L3MBTL4: variants seen among roughly 807,000 people sequenced by gnomAD.
The protein encoded by L3MBTL4 is lethal(3)malignant brain tumor-like protein 4.
L3MBTL4 carries 70 observed loss-of-function variants against 84.5 expected under a neutral mutation model. The observed-to-expected ratio is 0.83, with a 90% CI of 0.68 to 1.01. The LOEUF is 1.01. Ranked by LOEUF, L3MBTL4 falls within the 50% of genes least tolerant of loss-of-function variation. L3MBTL4 has a pLI of 0.00. For synonymous variants in L3MBTL4, 274 were observed against 259.8 expected (o/e 1.05, Z -0.52); for missense variants, 715 against 754.8 (o/e 0.95, Z 0.62).
intron 16 of L3MBTL4, among the ~76,000 whole-genome samples, chr18:6,039,754 G>A (rs187941212): frequency 1.3e-5 from 2 of 152,326 alleles, no homozygotes; most frequent in East Asian, 3.9e-4. Context: ...AAAGGGTCAA[G>A]TGTCTTTGAA....
chr18:6,024,785 A>C (rs545885262), intron 16 of L3MBTL4, among the ~76,000 whole-genome samples: 1 of 152,350 alleles, frequency 6.6e-6, no homozygotes, highest in African/African-American at 2.4e-5. Flanking sequence ...AATTACTCAA[A>C]TCAATGAGTA....
At chr18:6,101,688 T>G (rs1400045059) in intron 14 of L3MBTL4, among the ~76,000 whole-genome samples, 2 of 152,244 alleles carry the variant, frequency 1.3e-5, no homozygotes, top group African/African-American at 4.8e-5. Flanking sequence ...AGAGGTGCTC[T>G]GAATGGAGAG....
intron 16 of L3MBTL4, among the ~76,000 whole-genome samples, chr18:5,973,117 G>C (rs1260503481): frequency 6.6e-6 from 1 of 152,150 alleles, no homozygotes; most frequent in East Asian, 1.9e-4. Context: ...GTGAATGTGG[G>C]GACATACACC....
At chr18:6,105,347 G>A (rs2058968842) in intron 14 of L3MBTL4, among the ~76,000 whole-genome samples, 1 of 151,494 alleles carries the variant, frequency 6.6e-6, no homozygotes, top group South Asian at 2.1e-4. Flanking sequence ...ATGCCACCAT[G>A]CCTGGCTAAT....
In L3MBTL4 at chr18:5,997,482, C is replaced by A. The variant is rs142784701; in HGVS notation, c.1445-27920G>T. ...TCCTCAGCCCTGTGGTTTCACTGAA[C>A]CAGAACAAGGCATAAGTGACTATCC... On this transcript the variant is annotated intron_variant, in intron 16 of 18. Transcript: ENST00000317931. Among the ~76,000 whole-genome samples, 707 of 152,284 alleles carry A rather than the reference C, an allele frequency of 4.6e-3. 6 individuals carry two copies. The highest frequency in any genetic ancestry group is 7.5e-3 in the Non-Finnish European group (512 of 68,036).
intron 16 of L3MBTL4, among the ~76,000 whole-genome samples, chr18:6,009,279 G>A (rs2054627378): frequency 6.6e-6 from 1 of 152,202 alleles, no homozygotes; most frequent in Admixed American, 6.5e-5. Flanking sequence ...GTAGCACCAT[G>A]TGCCTTGGAG....
At chr18:6,111,163 T>C (rs976737674) in intron 14 of L3MBTL4, among the ~76,000 whole-genome samples, 1 of 151,732 alleles carries the variant, frequency 6.6e-6, no homozygotes, top group African/African-American at 2.4e-5. Flanking sequence ...GAAAGAGAAA[T>C]GAGATAAATA....
At chr18:6,268,932 G>C (rs1270565032) in intron 4 of L3MBTL4, among the ~76,000 whole-genome samples, 1 of 152,014 alleles carries the variant, frequency 6.6e-6, no homozygotes, top group East Asian at 1.9e-4. Flanking sequence ...GTTCTGAAAA[G>C]CTGAAGCTCA....
intron 16 of L3MBTL4, among the ~76,000 whole-genome samples, chr18:5,975,985 A>G (rs966902775): frequency 5.9e-5 from 9 of 152,212 alleles, no homozygotes; most frequent in African/African-American, 1.9e-4. Context: ...CTCTTAACCA[A>G]TTTTATATAA....
intron 3 of L3MBTL4, among the ~76,000 whole-genome samples, chr18:6,310,698 A>T (rs1393885549): frequency 1.3e-5 from 2 of 152,282 alleles, no homozygotes; most frequent in Non-Finnish European, 2.9e-5. Context: ...CATCCCCAAA[A>T]ATAATCACCA....
At chr18:6,295,346 C>CTCTCTATATATATA (rs1261475809) in intron 4 of L3MBTL4, among the ~76,000 whole-genome samples, 2 of 81,388 alleles carry the variant, frequency 2.5e-5, no homozygotes, top group African/African-American at 1.3e-4. Flanking sequence ...CTCTCTCTCT[C>CTCTCTATATATATA]TATATATATA....
chr18:6,239,519 C>T (rs564756496), intron 9 of L3MBTL4, among the ~76,000 whole-genome samples, 199 bp downstream of exon 9: 1 of 152,008 alleles, frequency 6.6e-6, no homozygotes, highest in South Asian at 2.1e-4. Context: ...CACTGGGTAA[C>T]CTCTACAGAT....
chr18:6,381,903 C>G (rs914684177), intron 1 of L3MBTL4, among the ~76,000 whole-genome samples: 9 of 152,170 alleles, frequency 5.9e-5, no homozygotes, highest in Non-Finnish European at 1.3e-4. Flanking sequence ...GAGAAGTTCT[C>G]CTGGATAATA....
At position 6,363,860 on chromosome 18, in the gene L3MBTL4, C is replaced by T. The variant is rs376365184; in HGVS notation, c.-91+50941G>A. 8.1e-4 allele frequency among the ~76,000 whole-genome samples: 123 copies of T among 152,162 alleles called. 4 individuals carry two copies. In the South Asian group the frequency reaches 0.025, roughly 30 times the overall value. ...GTTATTACATGCTTAATTCACATAA[C>T]CACTAACAGCAGCAAGCCTTACTCC... On this transcript the variant is annotated intron_variant, in intron 1 of 18. Transcript: ENST00000317931.
intron 14 of L3MBTL4, among the ~76,000 whole-genome samples, chr18:6,126,426 C>T (rs1376136819): frequency 1.3e-5 from 2 of 152,144 alleles, no homozygotes; most frequent in African/African-American, 4.8e-5. Context: ...AATCAATGTA[C>T]TGCTCTTTCT....
intron 1 of L3MBTL4, among the ~76,000 whole-genome samples, chr18:6,360,207 C>CA (rs1258494064): frequency 2.6e-5 from 4 of 151,790 alleles, no homozygotes; most frequent in Non-Finnish European, 2.9e-5. Flanking sequence ...CCCATCACTA[C>CA]AAAAAAATAC....
intron 4 of L3MBTL4, among the ~76,000 whole-genome samples, chr18:6,282,208 A>G (rs1368191868): frequency 6.6e-6 from 1 of 152,218 alleles, no homozygotes; most frequent in Non-Finnish European, 1.5e-5. Context: ...ACAAAAGGAA[A>G]CAAAATTGTC....
At chr18:6,118,208 A>AACACACACACACACACACACACAC (rs60207558) in intron 14 of L3MBTL4, among the ~76,000 whole-genome samples, 2,078 of 141,758 alleles carry the variant, frequency 0.015, 49 homozygotes, top group Admixed American at 0.062. Context: ...AACACACACA[A>AACACACACACACACACACACACAC]ACACACACAC....
intron 14 of L3MBTL4, among the ~76,000 whole-genome samples, chr18:6,118,071 G>A (rs370223032): frequency 5.2e-4 from 79 of 152,084 alleles, no homozygotes; most frequent in African/African-American, 1.6e-3. Flanking sequence ...AGTTGTAGAG[G>A]CTCCTGTCAC....
Sources: gnomAD v4.1 joint callset for allele counts (sites outside exome capture counted in the v4.1 genomes callset) on GRCh38, gnomAD v4.1.1 for gene constraint, MANE v1.5 for transcripts, NCBI Gene and HGNC (gene_info 2026-07-23, HGNC 2026-07-21) for gene names.